AKAP13: variants seen among roughly 807,000 people sequenced by gnomAD.
The protein encoded by AKAP13 is A-kinase anchoring protein 13, also known as A-kinase anchor protein 13.
A neutral mutation model predicts 264.5 loss-of-function variants in AKAP13; 80 were observed. That is an observed-to-expected ratio of 0.30 (90% CI 0.25 to 0.36). The LOEUF (loss-of-function observed/expected upper bound fraction) is 0.36, where lower values mean the gene tolerates loss of function less well. AKAP13 is among the 10% of genes least tolerant of loss of function. AKAP13 has a pLI of 1.00. For synonymous variants in AKAP13, 1,380 were observed against 1,250.2 expected (o/e 1.10, Z -2.19); for missense variants, 3,712 against 3,435.2 (o/e 1.08, Z -2.01).
At position 85,745,351 on chromosome 15, in the gene AKAP13, A is replaced by C. The variant is rs1567229061; in HGVS notation, c.*674A>C. 1 of 151,970 alleles carries C rather than the reference A, an allele frequency of 6.6e-6. No homozygotes were observed. The highest frequency in any genetic ancestry group is 1.5e-5 in the Non-Finnish European group (1 of 68,016). 9.4% of individuals were successfully genotyped at this position (151,970 alleles called of 1,614,324 possible). On this transcript the variant is annotated 3_prime_UTR_variant, in exon 37 of 37. Coordinates refer to ENST00000394518, the MANE Select transcript of AKAP13 (RefSeq NM_007200.5). ...AAACATTTGTGAAACCAGTGAGAGA[A>C]GGCTTGATGTGTATAAAAGACGTGA... is the stretch of plus-strand genomic sequence containing the variant.
chr15:85,546,946 G>A (rs2077771177), intron 5 of AKAP13, among the ~76,000 whole-genome samples: 1 of 152,060 alleles, frequency 6.6e-6, no homozygotes, highest in Non-Finnish European at 1.5e-5. Flanking sequence ...GTTTCACCAT[G>A]TTGGTCAGGC....
At chr15:85,707,621 G>A (rs551467756) in intron 17 of AKAP13, among the ~76,000 whole-genome samples, 1 of 152,026 alleles carries the variant, frequency 6.6e-6, no homozygotes, top group African/African-American at 2.4e-5. Context: ...TTTAGTTTTG[G>A]TAGCCTCTCA....
chr15:85,638,561 T>C (rs542761584), intron 8 of AKAP13, among the ~76,000 whole-genome samples: 3 of 152,198 alleles, frequency 2.0e-5, no homozygotes, highest in Non-Finnish European at 4.4e-5. Flanking sequence ...GAGAGGAGTA[T>C]TGAAATCTTC....
intron 17 of AKAP13, among the ~76,000 whole-genome samples, chr15:85,699,070 T>C (rs1444103478): frequency 6.6e-6 from 1 of 152,000 alleles, no homozygotes; most frequent in Non-Finnish European, 1.5e-5. Flanking sequence ...CCAAGACATT[T>C]TGATGAGTTG....
chr15:85,740,602 T>G (rs2088879345), intron 34 of AKAP13: 2 of 356,950 alleles, frequency 5.6e-6, no homozygotes, highest in Non-Finnish European at 5.1e-6. Context: ...TCTGTGGTAT[T>G]TGAATAGAGT....
intron 2 of AKAP13, among the ~76,000 whole-genome samples, chr15:85,515,432 C>T (rs2076568227): frequency 7.2e-6 from 1 of 138,620 alleles, no homozygotes; most frequent in East Asian, 2.0e-4. Context: ...CAAAGGTGTT[C>T]TTTCATAACC....
At position 85,526,971 on chromosome 15, in the gene AKAP13, T is replaced by C. The variant is rs920451873; in HGVS notation, c.181+5396T>C. 4.0e-4 allele frequency among the ~76,000 whole-genome samples: 61 copies of C among 151,548 alleles called. 1 individual carries two copies. Among genetic ancestry groups the C allele is most frequent in the Admixed American group, 3.6e-3 (55 of 15,240 alleles). On this transcript the variant is annotated intron_variant, in intron 3 of 36. Transcript: ENST00000394518. ...TAGTTGTAATTTTTTTTTTTTTTTTTTGAGAGGGTGTCTCGCTCTGTCGCC... is the reference window on the plus strand; with the variant it reads ...TAGTTGTAATTTTTTTTTTTTTTTTCTGAGAGGGTGTCTCGCTCTGTCGCC...
chr15:85,483,651 A>AAAAAAAAAC (rs2075426872), intron 1 of AKAP13, among the ~76,000 whole-genome samples: 4 of 143,934 alleles, frequency 2.8e-5, no homozygotes, highest in South Asian at 2.2e-4. Context: ...AAAAAAAAAA[A>AAAAAAAAAC]CACCAAAAAA....
intron 2 of AKAP13, among the ~76,000 whole-genome samples, chr15:85,487,887 A>T (rs537818917): frequency 1.5e-4 from 23 of 150,334 alleles, no homozygotes; most frequent in Non-Finnish European, 2.7e-4. Flanking sequence ...GTGCGCCATC[A>T]TGCCTGGCTA....
chr15:85,691,769 T>C, intron 16 of AKAP13: 1 of 459,962 alleles, frequency 2.2e-6, no homozygotes, highest in Admixed American at 2.3e-5. Flanking sequence ...GGGCAGTGGC[T>C]GGGCACACAG....
intron 2 of AKAP13, among the ~76,000 whole-genome samples, chr15:85,511,783 C>T (rs563811467): frequency 5.3e-5 from 8 of 152,146 alleles, no homozygotes; most frequent in Non-Finnish European, 7.3e-5. Context: ...TGAGCCACTG[C>T]GCCTGGCCCA....
rs551952689 is a variant in AKAP13 at position 85,407,543 on chromosome 15, G to A, written c.-12+26745G>A. On this transcript the variant is annotated intron_variant, in intron 1 of 36. Coordinates refer to ENST00000394518, the MANE Select transcript of AKAP13 (RefSeq NM_007200.5). ...GCATGAGCCATCGTGCCCGGCCTGT[G>A]CTGGGTCTTAAAGCATGAGTAGGAA... Among the ~76,000 whole-genome samples the A allele has an allele frequency of 2.6e-5, 4 of 151,746 alleles. No individual in the cohort carries two copies. In the South Asian group the frequency reaches 6.2e-4, roughly 24 times the overall value.
chr15:85,642,543 T>A (rs898984044), intron 9 of AKAP13, among the ~76,000 whole-genome samples: 1 of 152,122 alleles, frequency 6.6e-6, no homozygotes, highest in Admixed American at 6.5e-5. Context: ...TCCCCCCACC[T>A]CCCCCCGCCC....
intron 2 of AKAP13, among the ~76,000 whole-genome samples, chr15:85,489,998 A>G (rs2075678843): frequency 6.6e-6 from 1 of 152,232 alleles, no homozygotes; most frequent in Admixed American, 6.5e-5. Context: ...ATGTTAGGCA[A>G]GCTAGTTACA....
At chr15:85,644,780 C>T (rs923321246) in intron 9 of AKAP13, among the ~76,000 whole-genome samples, 1 of 151,032 alleles carries the variant, frequency 6.6e-6, no homozygotes, top group African/African-American at 2.4e-5. Context: ...GCAGGAGAAT[C>T]GCTTGAACCC....
chr15:85,541,966 G>A (rs997302471), intron 4 of AKAP13, among the ~76,000 whole-genome samples: 5 of 152,194 alleles, frequency 3.3e-5, no homozygotes, highest in African/African-American at 1.2e-4. Context: ...AGCTGACTCA[G>A]AACAAATAAC....
At chr15:85,430,956 C>G (rs2073001175) in intron 1 of AKAP13, among the ~76,000 whole-genome samples, 1 of 152,098 alleles carries the variant, frequency 6.6e-6, no homozygotes, top group Non-Finnish European at 1.5e-5. Context: ...ATCTGTTGCC[C>G]CAGGACCAGG....
At chr15:85,413,260 A>C (rs2150876486) in intron 1 of AKAP13, among the ~76,000 whole-genome samples, 1 of 152,302 alleles carries the variant, frequency 6.6e-6, no homozygotes, top group South Asian at 2.1e-4. Context: ...GGATCTTTAG[A>C]AGGTGGTTCT....
chr15:85,676,179 G>A (rs562604098), intron 14 of AKAP13, among the ~76,000 whole-genome samples: 3 of 152,302 alleles, frequency 2.0e-5, no homozygotes, highest in African/African-American at 4.8e-5. Flanking sequence ...CCAAAGTGCT[G>A]GGATTACAGG....
Sources: allele counts gnomAD v4.1 joint callset (sites outside exome capture counted in the v4.1 genomes callset), GRCh38; gene constraint gnomAD v4.1.1; transcripts MANE v1.5; gene names NCBI Gene and HGNC (gene_info 2026-07-23, HGNC 2026-07-21).